DYM: variants seen among roughly 807,000 people sequenced by gnomAD.
DYM encodes dyggve-Melchior-Clausen syndrome protein.
Under a neutral mutation model 93.1 loss-of-function variants are expected in DYM, and 78 were observed. That is an observed-to-expected ratio of 0.84 (90% CI 0.70 to 1.01). The LOEUF (loss-of-function observed/expected upper bound fraction) is 1.01. DYM is among the 50% of genes least tolerant of loss of function. The pLI is 0.00. For synonymous variants in DYM, 321 were observed against 319.7 expected (o/e 1.00, Z -0.04); for missense variants, 789 against 845.0 (o/e 0.93, Z 0.82).
rs1240312565 is a variant in DYM at position 49,393,087 on chromosome 18, GGGAGGGAAGGAA to G, written c.141-1454_141-1443del. Among the ~76,000 whole-genome samples the G allele has an allele frequency of 7.7e-4, 65 of 84,942 alleles. 6 individuals carry two copies. Among genetic ancestry groups the G allele is most frequent in the African/African-American group, 1.6e-3 (40 of 25,674 alleles). The allele number at this position is 84,942 out of a possible 152,430, so 55.7% of individuals were successfully genotyped here. On this transcript the variant is annotated intron_variant, in intron 2 of 17. Coordinates refer to ENST00000675505, the MANE Select transcript of DYM (RefSeq NM_001353214.3). ...AGGAGGAGGAGGAGGAAAGAAGGGA[GGGAGGGAAGGAA>G]GGAAGGAAGGAAGGAAGGAAGGAAG...
At chr18:49,070,645 C>G (rs937639091) in intron 17 of DYM, among the ~76,000 whole-genome samples, 1 of 152,168 alleles carries the variant, frequency 6.6e-6, no homozygotes, top group Non-Finnish European at 1.5e-5. Flanking sequence ...TCTTTGAATG[C>G]TACTTTAGAA....
intron 8 of DYM, among the ~76,000 whole-genome samples, chr18:49,295,769 T>G (rs921953998): frequency 6.6e-6 from 1 of 152,196 alleles, no homozygotes. Flanking sequence ...AAAAAAATTC[T>G]TGGCTCATCA....
chr18:49,326,146 A>AT lies in DYM; in HGVS notation c.763+5717dup, dbSNP rs561337601. 2.3e-3 allele frequency among the ~76,000 whole-genome samples: 352 copies of AT among 151,650 alleles called. 3 individuals are homozygous for AT. The highest frequency in any genetic ancestry group is 7.6e-3 in the African/African-American group (313 of 41,416). Reference sequence around the variant, plus strand: ...ACTCCAAGTTCTAACTACAACACATATTTTTTTTTAAGTATGCCAGGTGGT... The same window carrying AT: ...ACTCCAAGTTCTAACTACAACACATATTTTTTTTTTAAGTATGCCAGGTGGT... On this transcript the variant is annotated intron_variant, in intron 8 of 17. Transcript: ENST00000675505.
intron 5 of DYM, among the ~76,000 whole-genome samples, chr18:49,373,620 T>G (rs1180941483): frequency 6.6e-6 from 1 of 152,212 alleles, no homozygotes; most frequent in Admixed American, 6.5e-5. Context: ...TGACTTAGAA[T>G]GTCTTAACTG....
chr18:49,269,560 C>T (rs895287022), intron 11 of DYM, among the ~76,000 whole-genome samples: 3 of 152,120 alleles, frequency 2.0e-5, no homozygotes, highest in African/African-American at 7.2e-5. Flanking sequence ...GAGAGTCCGT[C>T]GACAGACAAA....
At chr18:49,351,027 T>G (rs1481074328) in intron 6 of DYM, among the ~76,000 whole-genome samples, 7 of 152,102 alleles carry the variant, frequency 4.6e-5, no homozygotes, top group Non-Finnish European at 1.0e-4. Flanking sequence ...AGTATCTGAC[T>G]TGAACATGAG....
At chr18:49,203,230 G>T (rs1369657160) in intron 14 of DYM, among the ~76,000 whole-genome samples, 1 of 48,412 alleles carries the variant, frequency 2.1e-5, no homozygotes. Context: ...GGGAGGTGGG[G>T]GGGGTCAGCC....
At chr18:49,167,657 A>G (rs1308301701) in intron 14 of DYM, among the ~76,000 whole-genome samples, 1 of 152,160 alleles carries the variant, frequency 6.6e-6, no homozygotes, top group Non-Finnish European at 1.5e-5. Flanking sequence ...ACTTACCCCC[A>G]GCTTAATGCT....
chr18:49,289,188 TTTAA>T (rs1234667013), intron 8 of DYM, among the ~76,000 whole-genome samples: 1 of 152,060 alleles, frequency 6.6e-6, no homozygotes, highest in Non-Finnish European at 1.5e-5. Flanking sequence ...TTTGTTAGTA[TTTAA>T]TTATAGAAGC....
In DYM at chr18:49,037,512, G is replaced by A. The variant is rs1015354671; in HGVS notation, c.*6543C>T. The stretch of plus-strand genomic sequence containing the variant: ...ACTATCTGGGTGACAGGATCATTAG[G>A]AGCCCAAACCTCAGCATCATCAATA... On this transcript the variant is annotated 3_prime_UTR_variant, in exon 18 of 18. Coordinates refer to ENST00000675505, the MANE Select transcript of DYM (RefSeq NM_001353214.3). 2.0e-5 allele frequency among the ~76,000 whole-genome samples: 3 copies of A among 152,106 alleles called. No homozygotes were observed. Among genetic ancestry groups the A allele is most frequent in the Non-Finnish European group, 4.4e-5 (3 of 68,008 alleles).
At chr18:49,193,230 A>C (rs1413160279) in intron 14 of DYM, among the ~76,000 whole-genome samples, 2 of 152,094 alleles carry the variant, frequency 1.3e-5, no homozygotes, top group African/African-American at 4.8e-5. Flanking sequence ...AGAGTTAATC[A>C]CTGGAACAGT....
chr18:49,192,215 C>A (rs2091045400), intron 14 of DYM, among the ~76,000 whole-genome samples: 1 of 151,562 alleles, frequency 6.6e-6, no homozygotes, highest in South Asian at 2.1e-4. Context: ...GGCCACTGCA[C>A]CTAGCCTCTA....
chr18:49,403,041 C>T (rs1193988179), intron 2 of DYM, among the ~76,000 whole-genome samples: 3 of 152,166 alleles, frequency 2.0e-5, no homozygotes, highest in African/African-American at 7.2e-5. Context: ...AAGTGCCCAG[C>T]ACACAGCTCA....
chr18:49,156,261 T>C (rs1419520471), intron 15 of DYM, among the ~76,000 whole-genome samples: 1 of 152,206 alleles, frequency 6.6e-6, no homozygotes, highest in Non-Finnish European at 1.5e-5. Context: ...CTAACTTGCA[T>C]CACAGTCCAA....
At chr18:49,286,011 C>G (rs543699241) in intron 9 of DYM, among the ~76,000 whole-genome samples, 45 of 152,158 alleles carry the variant, frequency 3.0e-4, no homozygotes, top group Middle Eastern at 3.4e-3. Context: ...AGCCACTACC[C>G]TCTACAGAAA....
intron 11 of DYM, among the ~76,000 whole-genome samples, chr18:49,268,367 T>C (rs2094606808): frequency 6.6e-6 from 1 of 152,226 alleles, no homozygotes; most frequent in African/African-American, 2.4e-5. Context: ...GAATTTGAAA[T>C]GTCATCTAAA....
chr18:49,321,272 C>T, intron 8 of DYM: 1 of 397,720 alleles, frequency 2.5e-6, no homozygotes, highest in Non-Finnish European at 4.4e-6. Context: ...CCCAGGATTT[C>T]ATCTGCAATT....
intron 1 of DYM, among the ~76,000 whole-genome samples, chr18:49,434,476 C>T (rs2080639564): frequency 6.6e-6 from 1 of 151,834 alleles, no homozygotes; most frequent in African/African-American, 2.4e-5. Context: ...GCCAAGACTG[C>T]ACCATTGCAT....
At chr18:49,343,870 G>A (rs1235457255) in intron 6 of DYM, among the ~76,000 whole-genome samples, 1 of 151,450 alleles carries the variant, frequency 6.6e-6, no homozygotes, top group Non-Finnish European at 1.5e-5. Flanking sequence ...CACATTAGGA[G>A]ACTGAGGCAG....
Sources: allele counts gnomAD v4.1 joint callset (sites outside exome capture counted in the v4.1 genomes callset), GRCh38; gene constraint gnomAD v4.1.1; transcripts MANE v1.5; gene names NCBI Gene and HGNC (gene_info 2026-07-23, HGNC 2026-07-21).